Variants in GCA observed in about 807,000 individuals in gnomAD.
GCA encodes the protein grancalcin, EF-hand calcium-binding protein.
GCA carries 30 observed loss-of-function variants against 32.6 expected under a neutral mutation model. The ratio of observed to expected loss-of-function variants is 0.92; its 90% CI spans 0.69 to 1.25. The LOEUF (loss-of-function observed/expected upper bound fraction) is 1.25. Ranked by LOEUF, GCA falls within the 50% of genes most tolerant of loss-of-function variation. The pLI, the probability that GCA is intolerant of heterozygous loss-of-function variation, is 0.00. For synonymous variants in GCA, 102 were observed against 84.6 expected, an observed-to-expected ratio of 1.21 and a Z score of -1.13; for missense variants, 291 against 266.8, an observed-to-expected ratio of 1.09 and a Z score of -0.63.
At chr2:162,321,247 C>T (rs925537500) in intron 1 of GCA, among the ~76,000 whole-genome samples, 1 of 152,124 alleles carries the variant, frequency 6.6e-6, no homozygotes, top group Non-Finnish European at 1.5e-5. Context: ...GTTTCTTCTA[C>T]TAGGTTTCAT....
downstream of GCA, chr2:162,372,077 G>C: frequency 6.2e-7 from 1 of 1,611,510 alleles, no homozygotes; most frequent in Non-Finnish European, 8.5e-7. Flanking sequence ...GATTTTTCAA[G>C]GTCTAGAAAT....
chr2:162,359,597 C>T (rs1249120353), intron 7 of GCA, 45 bp downstream of exon 7: 7 of 956,574 alleles, frequency 7.3e-6, no homozygotes, highest in African/African-American at 1.7e-5. Flanking sequence ...CTAGATAGTT[C>T]TCAGTTAGTA....
At position 162,344,165 on chromosome 2, in the gene GCA, T is replaced by C. The variant is rs927876138; in HGVS notation, c.-84T>C. The C allele has an allele frequency of 1.2e-5, 18 of 1,455,980 alleles. No homozygotes were observed. The African/African-American group carries it at 2.4e-4, about 19-fold the overall frequency. 90.2% of individuals were successfully genotyped at this position (1,455,980 alleles called of 1,614,324 possible). A position where few individuals can be genotyped will look rare whatever the true frequency, so the allele number is the denominator to read the frequency against. On this transcript the variant is annotated 5_prime_UTR_variant, in exon 1 of 8. Coordinates refer to ENST00000437150, the MANE Select transcript of GCA (RefSeq NM_012198.5). ...TTTCAGCCTCACCTGCAGCTGCGCC[T>C]CCTTGCACCTGCGCCTGTGCTTTTT...
intron 1 of GCA, among the ~76,000 whole-genome samples, chr2:162,332,599 T>G (rs1014013652): frequency 5.3e-5 from 8 of 152,216 alleles, no homozygotes; most frequent in Middle Eastern, 3.4e-3. Flanking sequence ...ACAAGGCCCA[T>G]AGCAGGGCTT....
At chr2:162,347,009 A>G (rs993192802) in intron 1 of GCA, among the ~76,000 whole-genome samples, 1 of 152,216 alleles carries the variant, frequency 6.6e-6, no homozygotes, top group Non-Finnish European at 1.5e-5. Flanking sequence ...CCAGAACCAC[A>G]GCAGTTTCTT....
In GCA at chr2:162,325,654, G is replaced by A. The variant is rs559204325; in HGVS notation, c.-31+6429G>A. 2.0e-4 allele frequency among the ~76,000 whole-genome samples: 30 copies of A among 152,174 alleles called. No homozygotes were observed. The South Asian group carries it at 5.0e-3, about 25-fold the overall frequency. On this transcript the variant is annotated intron_variant, in intron 1 of 4. Coordinates refer to the GCA transcript ENST00000429691. The stretch of plus-strand genomic sequence containing the variant: ...CATCCATTGGTACTGCTTCTCTTCC[G>A]GTTGGATAATGTTTGCCCCCTTCCC...
intron 7 of GCA, among the ~76,000 whole-genome samples, chr2:162,359,901 C>T (rs1024738750): frequency 3.3e-5 from 5 of 151,090 alleles, no homozygotes; most frequent in African/African-American, 4.8e-5. Flanking sequence ...AATTTTAATC[C>T]GTGACGGATT....
upstream of GCA, among the ~76,000 whole-genome samples, chr2:162,341,761 G>A (rs1576274275): frequency 1.3e-5 from 2 of 152,234 alleles, no homozygotes; most frequent in East Asian, 3.9e-4. Flanking sequence ...GAGAGAAAAG[G>A]GGACATACAA....
downstream of GCA, among the ~76,000 whole-genome samples, chr2:162,372,827 C>G (rs1686005945): frequency 6.6e-6 from 1 of 152,110 alleles, no homozygotes; most frequent in African/African-American, 2.4e-5. Flanking sequence ...AGCTAGACTA[C>G]TTACATTAAC....
downstream of GCA, among the ~76,000 whole-genome samples, chr2:162,368,066 A>C (rs1685813115): frequency 6.6e-6 from 1 of 151,930 alleles, no homozygotes. Context: ...GGCTTGTTAA[A>C]AGATGATTGC....
chr2:162,360,984 T>C lies in GCA; in HGVS notation c.*741T>C. 1.8e-6 allele frequency: 2 copies of C among 1,099,106 alleles called. No homozygotes were observed. The highest frequency in any genetic ancestry group is 2.4e-4 in the Middle Eastern group (1 of 4,250). The allele number at this position is 1,099,106 out of a possible 1,614,324, so 68.1% of individuals were successfully genotyped here. A position where few individuals can be genotyped will look rare whatever the true frequency, so the allele number is the denominator to read the frequency against. On this transcript the variant is annotated 3_prime_UTR_variant, in exon 8 of 8. Transcript: ENST00000437150. Reference sequence around the variant, plus strand: ...TAGTTCACCTAAAATGGCATCCTGCTCTGAATCTAGACTTTTTAGAAATGG... The same window carrying C: ...TAGTTCACCTAAAATGGCATCCTGCCCTGAATCTAGACTTTTTAGAAATGG...
At chr2:162,359,431 G>A (rs781224499) in intron 6 of GCA, 63 bp from the exon 7 acceptor site, 6 of 716,262 alleles carry the variant, frequency 8.4e-6, no homozygotes, top group Non-Finnish European at 1.4e-5. Flanking sequence ...GTACCTGGGT[G>A]CACTAAATAT....
chr2:162,371,474 C>A, exon 5 of GCA: 2 of 1,251,642 alleles, frequency 1.6e-6, no homozygotes, highest in Non-Finnish European at 2.1e-6. Context: ...TTCTTATTTG[C>A]GTGGAAGGCA....
Position 162,361,282 on chromosome 2 carries a change from G to A in GCA, c.*1039G>A, listed in dbSNP as rs112926740. The A allele has an allele frequency of 3.2e-3, 3,161 of 984,618 alleles. 75 individuals are homozygous for A. In the African/African-American group the frequency reaches 0.05, roughly 16 times the overall value. 61.0% of individuals were successfully genotyped at this position (984,618 alleles called of 1,614,324 possible). ...TTTTCTGCGTGGTACTAAAACTGCC[G>A]AAAATGCGACGTAGAATCACCAGAT... is the stretch of plus-strand genomic sequence containing the variant. On this transcript the variant is annotated 3_prime_UTR_variant, in exon 8 of 8. Coordinates refer to ENST00000437150, the MANE Select transcript of GCA (RefSeq NM_012198.5).
intron 3 of GCA, among the ~76,000 whole-genome samples, chr2:162,355,450 T>A (rs1220595952): frequency 6.6e-6 from 1 of 152,158 alleles, no homozygotes; most frequent in Non-Finnish European, 1.5e-5. Flanking sequence ...TAAGATGTTA[T>A]GGATAAAATA....
At chr2:162,356,975 C>A in intron 5 of GCA, 70 bp downstream of exon 5, 1 of 1,035,008 alleles carries the variant, frequency 9.7e-7, no homozygotes, top group Non-Finnish European at 1.4e-6. Context: ...AACTTAATTG[C>A]TTCAATTTAC....
At chr2:162,330,734 A>G (rs1475441248) in intron 1 of GCA, among the ~76,000 whole-genome samples, 2 of 152,194 alleles carry the variant, frequency 1.3e-5, no homozygotes, top group African/African-American at 4.8e-5. Context: ...GGTGAGAACT[A>G]GGGATTAGGG....
rs760267924 is a variant in GCA at position 162,344,221 on chromosome 2, G to A, written c.-28G>A. 3 of 1,613,554 alleles carry A rather than the reference G, an allele frequency of 1.9e-6. No homozygotes were observed. In the African/African-American group the frequency reaches 4.0e-5, roughly 22 times the overall value. ...AGCACTGCGGACGCGACTCGAGGGTGACGCTCGCTCCGCTCGTCCCGCTCG... is the reference window on the plus strand; with the variant it reads ...AGCACTGCGGACGCGACTCGAGGGTAACGCTCGCTCCGCTCGTCCCGCTCG... On this transcript the variant is annotated 5_prime_UTR_variant, in exon 1 of 8. Transcript: ENST00000437150.
chr2:162,365,970 AAT>A (rs1205159346), downstream of GCA, among the ~76,000 whole-genome samples: 5 of 151,686 alleles, frequency 3.3e-5, no homozygotes, highest in Admixed American at 2.0e-4. Flanking sequence ...ATATCCAAAC[AAT>A]ATATGTCAGT....
Sources: gnomAD v4.1 joint callset for allele counts (sites outside exome capture counted in the v4.1 genomes callset) on GRCh38, gnomAD v4.1.1 for gene constraint, MANE v1.5 for transcripts, NCBI Gene and HGNC (gene_info 2026-07-23, HGNC 2026-07-21) for gene names.